The following CLINT1 variants were observed in gnomAD, a reference collection of about 807,000 sequenced individuals.
CLINT1 encodes clathrin interactor 1.
CLINT1 carries 15 observed loss-of-function variants against 70.4 expected under a neutral mutation model. The observed-to-expected ratio is 0.21, with a 90% CI of 0.14 to 0.33. The LOEUF is 0.33. CLINT1 is among the 10% of genes least tolerant of loss of function. CLINT1 has a pLI of 1.00. For synonymous variants in CLINT1, 227 were observed against 254.7 expected (o/e 0.89, Z 1.04); for missense variants, 615 against 778.1 (o/e 0.79, Z 2.49).
chr5:157,847,986 T>C (rs545626163), intron 1 of CLINT1, among the ~76,000 whole-genome samples: 99 of 152,300 alleles, frequency 6.5e-4, no homozygotes, highest in African/African-American at 2.1e-3. Flanking sequence ...TTTGTATTTT[T>C]AGCAGAGATG....
intron 8 of CLINT1, among the ~76,000 whole-genome samples, chr5:157,796,807 T>C (rs543135350): frequency 1.8e-4 from 28 of 152,326 alleles, no homozygotes; most frequent in African/African-American, 6.7e-4. Flanking sequence ...TTCTTTTTAA[T>C]GCATATTTAC....
intron 1 of CLINT1, among the ~76,000 whole-genome samples, chr5:157,831,463 C>T (rs1581523848): frequency 6.6e-6 from 1 of 152,084 alleles, no homozygotes; most frequent in South Asian, 2.1e-4. Flanking sequence ...GCTGGGATTA[C>T]AGGCATGAGC....
At chr5:157,840,910 C>T (rs566550707) in intron 1 of CLINT1, among the ~76,000 whole-genome samples, 69 of 151,872 alleles carry the variant, frequency 4.5e-4, no homozygotes, top group Non-Finnish European at 4.1e-4. Context: ...ATATTTTTTT[C>T]TTTTTAATAT....
At chr5:157,853,898 A>G (rs1048204477) in intron 1 of CLINT1, among the ~76,000 whole-genome samples, 8 of 152,060 alleles carry the variant, frequency 5.3e-5, no homozygotes, top group Non-Finnish European at 1.2e-4. Flanking sequence ...TACTAAATAG[A>G]TTAAACTACA....
intron 1 of CLINT1, among the ~76,000 whole-genome samples, chr5:157,840,132 T>TTGCAGTAAGCAGAGATTGTGCCACTGCAC: frequency 7.5e-6 from 1 of 133,408 alleles, no homozygotes; most frequent in South Asian, 2.3e-4. Context: ...AAGGCAGAGG[T>TTGCAGTAAGCAGAGATTGTGCCACTGCAC]TGCAGTAAGC....
At chr5:157,849,757 G>A (rs1248338558) in intron 1 of CLINT1, among the ~76,000 whole-genome samples, 1 of 152,106 alleles carries the variant, frequency 6.6e-6, no homozygotes, top group Admixed American at 6.5e-5. Flanking sequence ...TTGGCACATG[G>A]CAAATGCTCA....
At chr5:157,804,039 A>T (rs80071607) in intron 7 of CLINT1, among the ~76,000 whole-genome samples, 1 of 26,694 alleles carries the variant, frequency 3.7e-5, no homozygotes. Flanking sequence ...CAGTTCATTA[A>T]AAAAAAAAAA....
chr5:157,829,689 A>AT lies in CLINT1; in HGVS notation c.42-12143dup, dbSNP rs3075709. Among the ~76,000 whole-genome samples the AT allele has an allele frequency of 5.5e-3, 602 of 109,104 alleles. 9 individuals are homozygous for AT. The highest frequency in any genetic ancestry group is 0.01 in the African/African-American group (292 of 29,088). 71.6% of individuals were successfully genotyped at this position (109,104 alleles called of 152,430 possible). A position where few individuals can be genotyped will look rare whatever the true frequency, so the allele number is the denominator to read the frequency against. Reference sequence around the variant, plus strand: ...TAGGTGCACGCCACCACACCCAGCTATTTTTTTTTTTTTTTTTTTTTTTTG... The same window carrying AT: ...TAGGTGCACGCCACCACACCCAGCTATTTTTTTTTTTTTTTTTTTTTTTTTG... On this transcript the variant is annotated intron_variant, in intron 1 of 11. Coordinates refer to ENST00000411809, the MANE Select transcript of CLINT1 (RefSeq NM_014666.4).
rs913447553 is a variant in CLINT1, at chr5:157,791,873, C to A, written c.1210G>T (p.Val404Phe). ...CCTAGAGCTGATTGTGAGCCACTAA[C>A]AAGTTCTACCGCTGGCTGTGAGGCA... ...GSASQPAVEL[V>F]SGSQSALGPP... The change falls in exon 10 of 12, where the codon GTT (valine) becomes TTT (phenylalanine). Residue 404 changes from valine to phenylalanine, a missense_variant. By Grantham distance (50) the Val-to-Phe change is conservative. This residue lies in a region of CLINT1 where 374 missense variants were observed against 409.6 expected (regional missense o/e 0.91). Coordinates refer to ENST00000411809, the MANE Select transcript of CLINT1 (RefSeq NM_014666.4). 1 of 1,613,998 alleles carries A rather than the reference C, an allele frequency of 6.2e-7. No individual in the cohort carries two copies. The highest frequency in any genetic ancestry group is 8.5e-7 in the Non-Finnish European group (1 of 1,179,880).
rs1762290822 is a variant in CLINT1, at chr5:157,803,506, TCCA to T, written c.1012+141_1012+143del. ...AGATAAGCAAAAATAACACAATGAT[TCCA>T]AATAATGCTCAAGACTCACTAATTT... On this transcript the variant is annotated intron_variant, in intron 8 of 11. Coordinates refer to ENST00000411809, the MANE Select transcript of CLINT1 (RefSeq NM_014666.4). 5.9e-6 allele frequency: 3 copies of T among 511,992 alleles called. No homozygotes were observed. The East Asian group carries it at 9.8e-5, about 17-fold the overall frequency. The allele number at this position is 511,992 out of a possible 1,614,324, so 31.7% of individuals were successfully genotyped here.
chr5:157,826,078 AG>A (rs1354713589), intron 1 of CLINT1, among the ~76,000 whole-genome samples: 1 of 152,158 alleles, frequency 6.6e-6, no homozygotes, highest in Admixed American at 6.5e-5. Flanking sequence ...GAGAGGAGGA[AG>A]GGGGAGCAAG....
At chr5:157,837,668 G>A (rs1763474085) in intron 1 of CLINT1, among the ~76,000 whole-genome samples, 1 of 73,480 alleles carries the variant, frequency 1.4e-5, no homozygotes, top group Non-Finnish European at 2.9e-5. Context: ...TTTTTGAGAC[G>A]GAGTCTCACT....
chr5:157,818,467 T>TAAAAA (rs929415179), intron 1 of CLINT1, among the ~76,000 whole-genome samples: 1 of 88,336 alleles, frequency 1.1e-5, no homozygotes, highest in Non-Finnish European at 2.2e-5. Flanking sequence ...ACCTGGTCTC[T>TAAAAA]AAAAAAAAAA....
intron 3 of CLINT1, 103 bp downstream of exon 3, chr5:157,816,631 T>C: frequency 4.2e-6 from 3 of 711,016 alleles, no homozygotes; most frequent in South Asian, 3.6e-5. Flanking sequence ...ATTATTCTAT[T>C]CTAGGATTTA....
rs1762603925 is a variant in CLINT1, at chr5:157,812,814, T to C, written c.517+249A>G. Among the ~76,000 whole-genome samples the C allele has an allele frequency of 2.0e-5, 3 of 152,242 alleles. No homozygotes were observed. The South Asian group carries it at 6.2e-4, about 31-fold the overall frequency. ...GCATATATCTGTTTTAATCTCTGTA[T>C]GACACCTCAAAATATGCAGTCATTT... On this transcript the variant is annotated intron_variant, in intron 5 of 11. Coordinates refer to ENST00000411809, the MANE Select transcript of CLINT1 (RefSeq NM_014666.4).
chr5:157,852,166 C>A (rs1376794340), intron 1 of CLINT1, among the ~76,000 whole-genome samples: 1 of 152,102 alleles, frequency 6.6e-6, no homozygotes, highest in African/African-American at 2.4e-5. Context: ...ACTTTAAAAT[C>A]TTGAGAATAC....
At chr5:157,851,686 C>CAAA (rs34229522) in intron 1 of CLINT1, among the ~76,000 whole-genome samples, 3 of 88,932 alleles carry the variant, frequency 3.4e-5, no homozygotes, top group African/African-American at 7.9e-5. Context: ...GACCCCGTCT[C>CAAA]AAAAAAAAAA....
At chr5:157,836,101 AC>A (rs1763413093) in intron 1 of CLINT1, among the ~76,000 whole-genome samples, 1 of 152,172 alleles carries the variant, frequency 6.6e-6, no homozygotes, top group Non-Finnish European at 1.5e-5. Context: ...CCACAGAAGA[AC>A]TGTACAAAGC....
At chr5:157,793,980 C>T (rs906921233) in intron 9 of CLINT1, among the ~76,000 whole-genome samples, 6 of 152,110 alleles carry the variant, frequency 3.9e-5, no homozygotes, top group East Asian at 1.9e-4. Flanking sequence ...TTAAGATTCT[C>T]ATAGCTAAAT....
Sources: gnomAD v4.1 joint callset for allele counts (sites outside exome capture counted in the v4.1 genomes callset) on GRCh38, gnomAD v4.1.1 for gene constraint, gnomAD v4.1.1 regional missense constraint, MANE v1.5 for transcripts, NCBI Gene and HGNC (gene_info 2026-07-23, HGNC 2026-07-21) for gene names.